Variants in PARD3 observed in about 807,000 individuals in gnomAD.
PARD3 encodes par-3 family cell polarity regulator.
A neutral mutation model predicts 155.4 loss-of-function variants in PARD3; 75 were observed. The ratio of observed to expected loss-of-function variants is 0.48; its 90% CI spans 0.40 to 0.58. PARD3 has a LOEUF of 0.58. PARD3 is among the 20% of genes least tolerant of loss of function. The probability of loss-of-function intolerance (pLI) is 0.00; values close to 1 mark genes in which losing one functional copy is unlikely to be tolerated. For missense variants in PARD3, 1,642 were observed against 1,721.7 expected (o/e 0.95, Z 0.82); for synonymous variants, 576 against 610.5 (o/e 0.94, Z 0.83).
intron 1 of PARD3, among the ~76,000 whole-genome samples, chr10:34,708,885 A>G (rs1191364595): frequency 6.6e-6 from 1 of 152,186 alleles, no homozygotes; most frequent in Non-Finnish European, 1.5e-5. Context: ...TAATATTAGG[A>G]AATGATTCTT....
intron 2 of PARD3, among the ~76,000 whole-genome samples, chr10:34,546,922 G>A (rs1051933363): frequency 3.3e-5 from 5 of 152,088 alleles, no homozygotes; most frequent in African/African-American, 4.8e-5. Flanking sequence ...GAACACAAAT[G>A]AAATAATCTG....
intron 4 of PARD3, among the ~76,000 whole-genome samples, chr10:34,459,450 C>T (rs1378217482): frequency 4.6e-5 from 7 of 152,086 alleles, no homozygotes; most frequent in South Asian, 2.1e-4. Context: ...GGATTACAGG[C>T]GTGAGCCACC....
At chr10:34,665,906 A>AGAACAGAACAGAACAGAACC (rs1554804216) in intron 2 of PARD3, among the ~76,000 whole-genome samples, 1 of 147,138 alleles carries the variant, frequency 6.8e-6, no homozygotes, top group Non-Finnish European at 1.5e-5. Flanking sequence ...AGAACAGAAC[A>AGAACAGAACAGAACAGAACC]AAAAGAAAAG....
At chr10:34,480,554 C>T (rs2079010455) in intron 3 of PARD3, among the ~76,000 whole-genome samples, 1 of 152,148 alleles carries the variant, frequency 6.6e-6, no homozygotes, top group African/African-American at 2.4e-5. Flanking sequence ...CTACTTTTAA[C>T]AGCATCGGCC....
At chr10:34,127,400 C>T (rs1019641506) in intron 23 of PARD3, among the ~76,000 whole-genome samples, 1 of 152,158 alleles carries the variant, frequency 6.6e-6, no homozygotes, top group Non-Finnish European at 1.5e-5. Flanking sequence ...CTGATGTGGT[C>T]CTCACAGCTC....
In PARD3 at chr10:34,500,505, G is replaced by A. The variant is rs1038008624; in HGVS notation, c.403+16474C>T. On this transcript the variant is annotated intron_variant, in intron 3 of 24. Coordinates refer to ENST00000374788, the MANE Select transcript of PARD3 (RefSeq NM_001184785.2). ...ACCTGTAATCCCAGCACTTTGGGAG[G>A]TCAAGGCAGGCAGATCACCTGGGGT... 3.3e-5 allele frequency among the ~76,000 whole-genome samples: 5 copies of A among 152,156 alleles called. No homozygotes were observed. The South Asian group carries it at 8.3e-4, about 25-fold the overall frequency.
chr10:34,412,888 GGCC>G (rs1227085154), intron 5 of PARD3, among the ~76,000 whole-genome samples: 1 of 151,902 alleles, frequency 6.6e-6, no homozygotes, highest in African/African-American at 2.4e-5. Flanking sequence ...ATGATACATA[GGCC>G]AAATAAGAAA....
Position 34,392,856 on chromosome 10 carries a change from T to C in PARD3, c.890+6474A>G, listed in dbSNP as rs539515802. 4.6e-5 allele frequency among the ~76,000 whole-genome samples: 7 copies of C among 152,292 alleles called. No homozygotes were observed. The South Asian group carries it at 1.2e-3, about 27-fold the overall frequency. On this transcript the variant is annotated intron_variant, in intron 7 of 24. Transcript: ENST00000374788. The stretch of plus-strand genomic sequence containing the variant: ...AATAGAAAACAGAGGTGAAGAAGTT[T>C]TAGACATGAAAAATACTAGAATGTA...
intron 22 of PARD3, among the ~76,000 whole-genome samples, chr10:34,160,662 G>T (rs191628226): frequency 4.9e-4 from 74 of 152,126 alleles, no homozygotes; most frequent in Admixed American, 3.7e-3. Context: ...TTTGTTGTTG[G>T]TGGTGCTCAA....
At chr10:34,765,866 T>C (rs1300387804) in intron 1 of PARD3, among the ~76,000 whole-genome samples, 1 of 152,190 alleles carries the variant, frequency 6.6e-6, no homozygotes, top group Non-Finnish European at 1.5e-5. Flanking sequence ...CATGTGATCC[T>C]CATTCAATCC....
intron 3 of PARD3, among the ~76,000 whole-genome samples, chr10:34,493,842 A>T (rs996842751): frequency 3.3e-5 from 5 of 152,152 alleles, no homozygotes; most frequent in African/African-American, 1.2e-4. Context: ...TTATTTTACT[A>T]TATTTTATTA....
intron 22 of PARD3, among the ~76,000 whole-genome samples, chr10:34,193,217 G>T (rs1950791130): frequency 6.6e-6 from 1 of 152,162 alleles, no homozygotes; most frequent in Non-Finnish European, 1.5e-5. Context: ...TAAGCAGCTT[G>T]CTAGTGAGGA....
At chr10:34,725,150 T>TGTGTGTGTGA (rs764850602) in intron 1 of PARD3, among the ~76,000 whole-genome samples, 4 of 98,250 alleles carry the variant, frequency 4.1e-5, no homozygotes, top group African/African-American at 1.4e-4. Flanking sequence ...TGTGTGTGTG[T>TGTGTGTGTGA]GACAGAGAGA....
intron 23 of PARD3, among the ~76,000 whole-genome samples, chr10:34,123,169 A>G (rs1490471764): frequency 6.6e-6 from 1 of 152,262 alleles, no homozygotes; most frequent in Non-Finnish European, 1.5e-5. Context: ...TGCCAGAGCC[A>G]TAATAACAAT....
At chr10:34,619,153 C>A (rs1229422349) in intron 2 of PARD3, among the ~76,000 whole-genome samples, 6 of 151,424 alleles carry the variant, frequency 4.0e-5, no homozygotes, top group Admixed American at 6.6e-5. Context: ...TGGGTTCAAG[C>A]AATTCTTGTG....
chr10:34,393,216 G>A (rs1376169365), intron 7 of PARD3, among the ~76,000 whole-genome samples: 1 of 150,720 alleles, frequency 6.6e-6, no homozygotes, highest in Non-Finnish European at 1.5e-5. Flanking sequence ...GAAAAGTAAT[G>A]TGAAACAAAT....
In PARD3 at chr10:34,131,362, C is replaced by G. The variant is rs768074393; in HGVS notation, c.3540+101G>C. 3.7e-4 allele frequency: 495 copies of G among 1,320,020 alleles called. 3 individuals are homozygous for G. Among genetic ancestry groups the G allele is most frequent in the Non-Finnish European group, 7.8e-5 (73 of 939,890 alleles). 81.8% of individuals were successfully genotyped at this position (1,320,020 alleles called of 1,614,324 possible). On this transcript the variant is annotated intron_variant, in intron 23 of 24. Coordinates refer to ENST00000374788, the MANE Select transcript of PARD3 (RefSeq NM_001184785.2). Reference sequence around the variant, plus strand: ...GTTAAAGGTCAAAGGAATTTGGCTCCATCTTGTCTCGTTTCATAGAGCATT... The same window carrying G: ...GTTAAAGGTCAAAGGAATTTGGCTCGATCTTGTCTCGTTTCATAGAGCATT...
chr10:34,166,488 T>C (rs1588991019), intron 22 of PARD3, among the ~76,000 whole-genome samples: 1 of 152,074 alleles, frequency 6.6e-6, no homozygotes, highest in East Asian at 1.9e-4. Context: ...GGGATGGTGG[T>C]GAGCCTATAG....
At chr10:34,542,954 G>C (rs1419964972) in intron 2 of PARD3, among the ~76,000 whole-genome samples, 2 of 152,036 alleles carry the variant, frequency 1.3e-5, no homozygotes, top group African/African-American at 4.8e-5. Flanking sequence ...TCTCACTCAG[G>C]CCATGAGAAC....
Sources: gnomAD v4.1 joint callset for allele counts (sites outside exome capture counted in the v4.1 genomes callset) on GRCh38, gnomAD v4.1.1 for gene constraint, MANE v1.5 for transcripts, NCBI Gene and HGNC (gene_info 2026-07-23, HGNC 2026-07-21) for gene names.